The following CCDC66 variants were observed in gnomAD, a reference collection of about 807,000 sequenced individuals.
CCDC66 encodes the protein coiled-coil domain-containing protein 66.
A neutral mutation model predicts 128.3 loss-of-function variants in CCDC66; 133 were observed. The observed-to-expected ratio is 1.04, with a 90% CI of 0.90 to 1.20. The LOEUF is 1.20. Ranked by LOEUF, CCDC66 falls within the 50% of genes most tolerant of loss-of-function variation. CCDC66 has a pLI of 0.00. For synonymous variants in CCDC66, 387 were observed against 357.0 expected (o/e 1.08, Z -0.95); for missense variants, 1,126 against 1,075.5 (o/e 1.05, Z -0.66).
At chr3:56,557,719 T>C in intron 1 of CCDC66, 1 of 167,630 alleles carries the variant, frequency 6.0e-6, no homozygotes, top group South Asian at 1.5e-4. Flanking sequence ...GAAATCGATG[T>C]AGTACCAGTG....
At chr3:56,569,829 A>T (rs2066388533) in intron 6 of CCDC66, 1 of 152,076 alleles carries the variant, frequency 6.6e-6, no homozygotes, top group African/African-American at 2.4e-5. Context: ...TGCTTTAATC[A>T]TTTTTGTTGT....
At position 56,582,413 on chromosome 3, in the gene CCDC66, A is replaced by G. The variant is rs897200847; in HGVS notation, c.937-10557A>G. ...CGTGGGCTGCACCCACTGTCTGACA[A>G]TCCCCAGTGAGATGAACCTGGTACC... is the stretch of plus-strand genomic sequence containing the variant. On this transcript the variant is annotated intron_variant, in intron 7 of 17. Transcript: ENST00000394672. Among the ~76,000 whole-genome samples the G allele has an allele frequency of 4.0e-5, 6 of 151,792 alleles. No homozygotes were observed. In the South Asian group the frequency reaches 6.2e-4, roughly 16 times the overall value.
chr3:56,566,490 ATTTAAG>A, intron 4 of CCDC66, 98 bp from the exon 5 acceptor site: 1 of 695,300 alleles, frequency 1.4e-6, no homozygotes, highest in Non-Finnish European at 2.3e-6. Flanking sequence ...TTGAGAGTTA[ATTTAAG>A]TAACGTGTAA....
Position 56,575,334 on chromosome 3 carries a change from A to G in CCDC66, c.936+4032A>G, listed in dbSNP as rs192947884. ...TTGTGGTTTTCATTTGCACTTCCCAATGATTAGTGATGTGGAACATTTTCC... is the reference window on the plus strand; with the variant it reads ...TTGTGGTTTTCATTTGCACTTCCCAGTGATTAGTGATGTGGAACATTTTCC... On this transcript the variant is annotated intron_variant, in intron 7 of 17. Transcript: ENST00000394672. Among the ~76,000 whole-genome samples the G allele has an allele frequency of 2.8e-3, 420 of 151,938 alleles. 2 individuals carry two copies. Among genetic ancestry groups the G allele is most frequent in the African/African-American group, 9.4e-3 (391 of 41,544 alleles).
chr3:56,568,918 T>C (rs2066254022), intron 6 of CCDC66, among the ~76,000 whole-genome samples: 1 of 152,252 alleles, frequency 6.6e-6, no homozygotes, highest in African/African-American at 2.4e-5. Context: ...CTGCAAAACA[T>C]GTGACGTAAC....
At chr3:56,569,936 G>A (rs1478751535) in intron 6 of CCDC66, 1 of 152,224 alleles carries the variant, frequency 6.6e-6, no homozygotes, top group Non-Finnish European at 1.5e-5. Flanking sequence ...CTGGGTTCAA[G>A]TGATTCTCCT....
intron 6 of CCDC66, among the ~76,000 whole-genome samples, chr3:56,567,816 A>C (rs1338961093): frequency 1.3e-5 from 2 of 151,930 alleles, no homozygotes; most frequent in African/African-American, 4.8e-5. Flanking sequence ...CAGCCTCCCC[A>C]GTAGCTGGGA....
intron 10 of CCDC66, among the ~76,000 whole-genome samples, chr3:56,603,690 A>G (rs1203687861): frequency 6.6e-6 from 1 of 151,846 alleles, no homozygotes; most frequent in African/African-American, 2.4e-5. Flanking sequence ...TTTGCTGAGG[A>G]GTGTTTTACT....
intron 14 of CCDC66, 29 bp downstream of exon 14, chr3:56,617,634 T>C (rs760370007): frequency 2.6e-6 from 4 of 1,560,508 alleles, no homozygotes; most frequent in Non-Finnish European, 3.4e-6. Context: ...AGATGATGTG[T>C]TGACGTTTCT....
In CCDC66 at chr3:56,615,131, A is replaced by G. The variant is rs745960305; in HGVS notation, c.1570A>G (p.Ile524Val). 1.3e-5 allele frequency: 21 copies of G among 1,613,384 alleles called. No individual in the cohort carries two copies. In the South Asian group the frequency reaches 2.2e-4, roughly 17 times the overall value. ...DILKQKQKEE[I>V]MTLKTNELFQ... ...AGTAACACATCAATATTGACAGGAA[A>G]TCATGACTCTCAAGACAAATGAGCT... Residue 524 changes from isoleucine to valine, a missense_variant, in exon 12 of 18, where the codon ATC becomes GTC. Transcript: ENST00000394672.
Position 56,621,709 on chromosome 3 carries a change from G to GATTT in CCDC66, c.*93_*96dup, listed in dbSNP as rs1276272353. 1.3e-6 allele frequency: 1 copy of GATTT among 763,306 alleles called. No individual in the cohort carries two copies. The highest frequency in any genetic ancestry group is 2.8e-5 in the Admixed American group (1 of 35,836). The allele number at this position is 763,306 out of a possible 1,614,324, so 47.3% of individuals were successfully genotyped here. A position where few individuals can be genotyped will look rare whatever the true frequency, so the allele number is the denominator to read the frequency against. On this transcript the variant is annotated 3_prime_UTR_variant, in exon 18 of 18. Transcript: ENST00000394672. ...TCAACTGTATTTTTCAAATAGCCTAGATTTACTTATTTTTTTAAATGCTCA... is the reference window on the plus strand; with the variant it reads ...TCAACTGTATTTTTCAAATAGCCTAGATTTATTTACTTATTTTTTTAAATGCTCA...
intron 7 of CCDC66, among the ~76,000 whole-genome samples, chr3:56,579,805 T>C (rs1015021667): frequency 6.6e-6 from 1 of 151,928 alleles, no homozygotes; most frequent in Non-Finnish European, 1.5e-5. Flanking sequence ...CTTTTACATT[T>C]GCTGAGGAGT....
intron 7 of CCDC66, among the ~76,000 whole-genome samples, chr3:56,581,809 G>C (rs2068431897): frequency 6.6e-6 from 1 of 151,782 alleles, no homozygotes; most frequent in Admixed American, 6.6e-5. Flanking sequence ...GCTTTATGAG[G>C]TGACAGTCGG....
At chr3:56,601,067 T>TA (rs2107127597) in intron 10 of CCDC66, among the ~76,000 whole-genome samples, 1 of 152,266 alleles carries the variant, frequency 6.6e-6, no homozygotes, top group African/African-American at 2.4e-5. Flanking sequence ...TCCTGAATGA[T>TA]ACTGCCTAGG....
chr3:56,585,886 A>G (rs968443025), intron 7 of CCDC66, among the ~76,000 whole-genome samples: 2 of 151,926 alleles, frequency 1.3e-5, no homozygotes, highest in Non-Finnish European at 2.9e-5. Context: ...AATTAAAACA[A>G]TTTACAAGAA....
intron 6 of CCDC66, among the ~76,000 whole-genome samples, chr3:56,567,950 A>G (rs1422217841): frequency 6.6e-6 from 1 of 152,080 alleles, no homozygotes; most frequent in Non-Finnish European, 1.5e-5. Context: ...TCGGCCTCCC[A>G]AAGTGCTAGG....
At chr3:56,561,374 T>C (rs1203558674) in intron 3 of CCDC66, 1 of 419,626 alleles carries the variant, frequency 2.4e-6, no homozygotes, top group Non-Finnish European at 4.7e-6. Flanking sequence ...GGTCTTGGAT[T>C]TTTGGTAGGC....
intron 14 of CCDC66, chr3:56,617,946 T>C (rs1035912502): frequency 1.2e-5 from 7 of 586,902 alleles, no homozygotes; most frequent in African/African-American, 1.9e-5. Flanking sequence ...CAAATACCCC[T>C]TTAAAACCCT....
chr3:56,617,748 G>C (rs2075700187), intron 14 of CCDC66, 143 bp downstream of exon 14: 3 of 1,000,816 alleles, frequency 3.0e-6, no homozygotes, highest in Non-Finnish European at 4.3e-6. Flanking sequence ...GGCAAATCCA[G>C]GCTGCTGCCT....
Sources: allele counts gnomAD v4.1 joint callset (sites outside exome capture counted in the v4.1 genomes callset), GRCh38; gene constraint gnomAD v4.1.1; transcripts MANE v1.5; gene names NCBI Gene and HGNC (gene_info 2026-07-23, HGNC 2026-07-21).